The following CPXM2 variants were observed in gnomAD, a reference collection of about 807,000 sequenced individuals.
CPXM2 encodes the protein carboxypeptidase X, M14 family member 2, also known as inactive carboxypeptidase-like protein X2.
Under a neutral mutation model 86.1 loss-of-function variants are expected in CPXM2, and 66 were observed. That is an observed-to-expected ratio of 0.77 (90% CI 0.63 to 0.94). The LOEUF (loss-of-function observed/expected upper bound fraction) is 0.94, where lower values mean the gene tolerates loss of function less well. Ranked by LOEUF, CPXM2 falls within the 40% of genes least tolerant of loss-of-function variation. CPXM2 has a pLI of 0.00. For synonymous variants in CPXM2, 388 were observed against 400.2 expected, an observed-to-expected ratio of 0.97 and a Z score of 0.36; for missense variants, 948 against 1,026.3, an observed-to-expected ratio of 0.92 and a Z score of 1.04.
At chr10:123,828,446 G>T (rs1848092716) in intron 4 of CPXM2, among the ~76,000 whole-genome samples, 1 of 152,190 alleles carries the variant, frequency 6.6e-6, no homozygotes, top group Non-Finnish European at 1.5e-5. Context: ...ATAGGGGCAG[G>T]TCTTTTCCAT....
intron 6 of CPXM2, among the ~76,000 whole-genome samples, chr10:123,790,982 G>C (rs900424387): frequency 6.6e-6 from 1 of 152,154 alleles, no homozygotes; most frequent in African/African-American, 2.4e-5. Context: ...ACAGAAGAGA[G>C]AATGGAAGGT....
At chr10:123,780,300 C>T in intron 6 of CPXM2, 45 bp from the exon 7 acceptor site, 1 of 1,167,624 alleles carries the variant, frequency 8.6e-7, no homozygotes, top group Non-Finnish European at 1.3e-6. Flanking sequence ...ATCATTCTAT[C>T]TCCCATGGCA....
chr10:123,936,989 C>A (rs1286996241), intron 2 of CPXM2, among the ~76,000 whole-genome samples: 3 of 152,226 alleles, frequency 2.0e-5, no homozygotes, highest in African/African-American at 7.2e-5. Flanking sequence ...GTTCTTACAT[C>A]CCCCATCTCA....
chr10:123,880,612 A>G (rs137929497), intron 1 of CPXM2, among the ~76,000 whole-genome samples: 1,924 of 152,080 alleles, frequency 0.013, 12 homozygotes, highest in Non-Finnish European at 0.019. Flanking sequence ...GGTGGATCAC[A>G]AGGTCAGGAG....
chr10:123,915,885 G>A (rs559995764), intron 2 of CPXM2, among the ~76,000 whole-genome samples: 12 of 152,172 alleles, frequency 7.9e-5, no homozygotes, highest in Middle Eastern at 3.4e-3. Context: ...GAGTTCCGCC[G>A]AATACTCCTG....
chr10:123,905,634 C>T (rs1945432466), intron 2 of CPXM2, among the ~76,000 whole-genome samples: 1 of 152,176 alleles, frequency 6.6e-6, no homozygotes, highest in Non-Finnish European at 1.5e-5. Flanking sequence ...AGGCTGCCTC[C>T]CACCTAATGT....
chr10:123,750,955 AG>A, intron 13 of CPXM2: 1 of 985,462 alleles, frequency 1.0e-6, no homozygotes, highest in African/African-American at 1.7e-5. Flanking sequence ...TATGAAAAGC[AG>A]GAGATGCAGT....
At chr10:123,862,044 G>A (rs956722671) in intron 3 of CPXM2, among the ~76,000 whole-genome samples, 3 of 152,218 alleles carry the variant, frequency 2.0e-5, no homozygotes, top group Non-Finnish European at 2.9e-5. Context: ...GGACTGATGG[G>A]ACTGACAGAG....
intron 1 of CPXM2, among the ~76,000 whole-genome samples, chr10:123,881,235 T>TCCCCCCCCCCCC (rs1945085902): frequency 2.0e-5 from 1 of 49,206 alleles, no homozygotes; most frequent in Non-Finnish European, 4.3e-5. Context: ...ACCCTTCTCT[T>TCCCCCCCCCCCC]CCCTTCCCTT....
At chr10:123,912,316 G>A (rs1271503303) in intron 2 of CPXM2, among the ~76,000 whole-genome samples, 1 of 120,546 alleles carries the variant, frequency 8.3e-6, no homozygotes, top group Admixed American at 8.0e-5. Flanking sequence ...GGCGGGGGGG[G>A]GGGGGCAGGC....
intron 6 of CPXM2, among the ~76,000 whole-genome samples, chr10:123,789,663 GA>G (rs1180184755): frequency 6.6e-6 from 1 of 152,204 alleles, no homozygotes; most frequent in Non-Finnish European, 1.5e-5. Flanking sequence ...TCCTTCTATA[GA>G]AGGGTGCAAT....
chr10:123,779,675 G>A (rs1459249617), intron 7 of CPXM2, among the ~76,000 whole-genome samples: 3 of 152,056 alleles, frequency 2.0e-5, no homozygotes, highest in Non-Finnish European at 4.4e-5. Flanking sequence ...GAATAATAAG[G>A]GGTAGTGCTA....
intron 2 of CPXM2, among the ~76,000 whole-genome samples, chr10:123,938,247 C>T (rs1345498167): frequency 2.0e-5 from 3 of 152,202 alleles, no homozygotes; most frequent in Admixed American, 2.0e-4. Flanking sequence ...ACAATTCTGA[C>T]AAGCTCCTGG....
At chr10:123,919,698 T>C (rs569008347) in intron 2 of CPXM2, among the ~76,000 whole-genome samples, 5 of 152,346 alleles carry the variant, frequency 3.3e-5, no homozygotes, top group African/African-American at 9.6e-5. Flanking sequence ...AGTTGCTTTG[T>C]CCATTTGTAT....
intron 2 of CPXM2, among the ~76,000 whole-genome samples, chr10:123,877,495 T>C (rs1372959771): frequency 3.9e-5 from 6 of 152,176 alleles, no homozygotes; most frequent in Non-Finnish European, 7.3e-5. Flanking sequence ...CTCAGCCTCC[T>C]AGGACCAGTG....
upstream of CPXM2, among the ~76,000 whole-genome samples, chr10:123,941,117 G>A (rs1202044223): frequency 6.6e-6 from 1 of 152,206 alleles, no homozygotes; most frequent in Non-Finnish European, 1.5e-5. Flanking sequence ...CTTGCAGTGA[G>A]CCGAGATCGC....
At chr10:123,916,719 A>G (rs1219167810) in intron 2 of CPXM2, among the ~76,000 whole-genome samples, 2 of 152,082 alleles carry the variant, frequency 1.3e-5, no homozygotes, top group Non-Finnish European at 2.9e-5. Context: ...AATGATCTGA[A>G]GAATCCTTTC....
intron 4 of CPXM2, among the ~76,000 whole-genome samples, chr10:123,816,290 A>T (rs561850160): frequency 6.6e-6 from 1 of 152,332 alleles, no homozygotes; most frequent in East Asian, 1.9e-4. Flanking sequence ...TGGCATAGAC[A>T]TACTTAGAAG....
chr10:123,942,429 C>T (rs1400333969), upstream of CPXM2, among the ~76,000 whole-genome samples: 1 of 152,154 alleles, frequency 6.6e-6, no homozygotes, highest in Non-Finnish European at 1.5e-5. Flanking sequence ...GTAAAGAAGC[C>T]AACGAAAATC....
Sources: allele counts gnomAD v4.1 joint callset (sites outside exome capture counted in the v4.1 genomes callset), GRCh38; gene constraint gnomAD v4.1.1; transcripts MANE v1.5; gene names NCBI Gene and HGNC (gene_info 2026-07-23, HGNC 2026-07-21).